Variants in FRMD3 observed in about 807,000 individuals in gnomAD.
FRMD3 encodes the protein FERM domain containing 3, also known as FERM domain-containing protein 3.
Under a neutral mutation model 70.2 loss-of-function variants are expected in FRMD3, and 33 were observed. That is an observed-to-expected ratio of 0.47 (90% CI 0.36 to 0.63). FRMD3 has a LOEUF of 0.63. Among genes scored for constraint, FRMD3 ranks in the 20% least tolerant of loss-of-function variants. FRMD3 has a pLI of 0.00. For missense variants in FRMD3, 632 were observed against 711.4 expected (o/e 0.89, Z 1.27); for synonymous variants, 279 against 255.9 (o/e 1.09, Z -0.86).
At chr9:83,514,179 C>A (rs1174367548) in intron 1 of FRMD3, among the ~76,000 whole-genome samples, 1 of 152,172 alleles carries the variant, frequency 6.6e-6, no homozygotes, top group East Asian at 1.9e-4. Flanking sequence ...GCGGATCCCA[C>A]CCCCATGGAG....
chr9:83,479,769 G>GAAA (rs1828518363), intron 1 of FRMD3, among the ~76,000 whole-genome samples: 1 of 38,584 alleles, frequency 2.6e-5, no homozygotes, highest in African/African-American at 1.3e-4. Flanking sequence ...AAGGGAGGGA[G>GAAA]GGAGGGAGGG....
intron 10 of FRMD3, among the ~76,000 whole-genome samples, chr9:83,302,092 G>A (rs1201160882): frequency 3.3e-5 from 5 of 152,184 alleles, no homozygotes; most frequent in Non-Finnish European, 7.3e-5. Context: ...TGGGAATTGG[G>A]AAACAAGGCT....
At chr9:83,476,203 G>A (rs1332230249) in intron 1 of FRMD3, among the ~76,000 whole-genome samples, 2 of 152,080 alleles carry the variant, frequency 1.3e-5, no homozygotes, top group African/African-American at 2.4e-5. Context: ...GGCCAACATG[G>A]CAAAACCCCG....
chr9:83,261,852 C>T (rs758849692), intron 13 of FRMD3, among the ~76,000 whole-genome samples: 6 of 152,168 alleles, frequency 3.9e-5, no homozygotes, highest in Non-Finnish European at 7.3e-5. Flanking sequence ...TAATTGCCAC[C>T]GACAGTTTCT....
chr9:83,368,178 C>A (rs2131244780), intron 3 of FRMD3, among the ~76,000 whole-genome samples: 1 of 152,274 alleles, frequency 6.6e-6, no homozygotes, highest in East Asian at 1.9e-4. Context: ...AAAGGCACAG[C>A]ACAGGCAGGT....
At chr9:83,485,968 T>A (rs1828680482) in intron 1 of FRMD3, among the ~76,000 whole-genome samples, 3 of 152,176 alleles carry the variant, frequency 2.0e-5, no homozygotes, top group Middle Eastern at 3.4e-3. Flanking sequence ...AATGTATATG[T>A]TGTATATCAT....
intron 5 of FRMD3, 144 bp from the exon 6 acceptor site, chr9:83,335,783 CTGAGTG>C: frequency 1.6e-6 from 1 of 642,752 alleles, no homozygotes; most frequent in Non-Finnish European, 2.6e-6. Context: ...CAGAGAAAGC[CTGAGTG>C]TCTAGAGGCT....
intron 1 of FRMD3, among the ~76,000 whole-genome samples, chr9:83,447,273 T>A (rs1827506730): frequency 6.6e-6 from 1 of 152,174 alleles, no homozygotes; most frequent in Non-Finnish European, 1.5e-5. Context: ...TCTGCCCACC[T>A]CGGCCTCCCA....
the FRMD3 span, among the ~76,000 whole-genome samples, chr9:83,554,029 CTTCTT>C: frequency 3.3e-5 from 5 of 152,116 alleles, no homozygotes; most frequent in Non-Finnish European, 5.9e-5. Context: ...AGTCAATAGA[CTTCTT>C]TTCTGAATGT....
At chr9:83,390,499 ATC>A (rs1485459874) in intron 1 of FRMD3, among the ~76,000 whole-genome samples, 1 of 152,208 alleles carries the variant, frequency 6.6e-6, no homozygotes, top group African/African-American at 2.4e-5. Flanking sequence ...CAGGACTAAG[ATC>A]CAAAGACAGG....
chr9:83,261,299 ACT>A (rs1244749794), intron 13 of FRMD3, among the ~76,000 whole-genome samples: 6 of 151,646 alleles, frequency 4.0e-5, no homozygotes, highest in Non-Finnish European at 7.4e-5. Context: ...TGCAGACTAA[ACT>A]CTCTCTTCTC....
chr9:83,368,863 A>AT (rs530018439), intron 3 of FRMD3, among the ~76,000 whole-genome samples: 38 of 150,448 alleles, frequency 2.5e-4, no homozygotes, highest in African/African-American at 7.3e-4. Flanking sequence ...ATTTCTAGGA[A>AT]TTTTTTTTTT....
intron 2 of FRMD3, among the ~76,000 whole-genome samples, chr9:83,374,839 T>A (rs903993041): frequency 4.6e-5 from 7 of 152,188 alleles, no homozygotes; most frequent in Admixed American, 3.3e-4. Flanking sequence ...CCCTGGTGGT[T>A]AAATTACTTT....
At chr9:83,404,856 G>A (rs1826054518) in intron 1 of FRMD3, among the ~76,000 whole-genome samples, 1 of 152,176 alleles carries the variant, frequency 6.6e-6, no homozygotes, top group African/African-American at 2.4e-5. Flanking sequence ...CAAACAACAA[G>A]CATTGGGTTG....
chr9:83,420,745 T>C (rs2131358016), intron 1 of FRMD3, among the ~76,000 whole-genome samples: 1 of 152,066 alleles, frequency 6.6e-6, no homozygotes, highest in East Asian at 1.9e-4. Context: ...TTAGTTTCAG[T>C]GAAATCTGAT....
At chr9:83,465,224 G>A (rs182082520) in intron 1 of FRMD3, among the ~76,000 whole-genome samples, 6 of 152,234 alleles carry the variant, frequency 3.9e-5, no homozygotes, top group Admixed American at 3.3e-4. Context: ...TGAGGAAACT[G>A]TCATGACCCC....
At chr9:83,411,122 G>A (rs1444160446) in intron 1 of FRMD3, among the ~76,000 whole-genome samples, 3 of 152,188 alleles carry the variant, frequency 2.0e-5, no homozygotes, top group East Asian at 1.9e-4. Context: ...CCTTAGAGAC[G>A]TGGCGTATTA....
At position 83,298,792 on chromosome 9, in the gene FRMD3, C is replaced by T; in HGVS notation, c.1026G>A (p.Val342=). The change falls in exon 12 of 14, where the codon GTG becomes GTA. Residue 342 remains valine (V), a synonymous_variant. Transcript: ENST00000304195. ...CCCTCTGGATCTTGGAACTGGCCTCCACCACCTCTTTGGCAACTTTCCCAC... is the reference window on the plus strand; with the variant it reads ...CCCTCTGGATCTTGGAACTGGCCTCTACCACCTCTTTGGCAACTTTCCCAC... ...RYSGKVAKEV[V]EASSKIQREP... 6.2e-7 allele frequency: 1 copy of T among 1,614,246 alleles called. No individual in the cohort carries two copies. Among genetic ancestry groups the T allele is most frequent in the Non-Finnish European group, 8.5e-7 (1 of 1,180,032 alleles).
chr9:83,560,322 G>C, the FRMD3 span, among the ~76,000 whole-genome samples: 1 of 152,136 alleles, frequency 6.6e-6, no homozygotes, highest in African/African-American at 2.4e-5. Context: ...TGAGTCTCCA[G>C]AGGCATCAAG....
Sources: gnomAD v4.1 joint callset for allele counts (sites outside exome capture counted in the v4.1 genomes callset) on GRCh38, gnomAD v4.1.1 for gene constraint, MANE v1.5 for transcripts, NCBI Gene and HGNC (gene_info 2026-07-23, HGNC 2026-07-21) for gene names.